Variants in SPATA17 observed in about 807,000 individuals in gnomAD.
The protein encoded by SPATA17 is spermatogenesis-associated protein 17.
A neutral mutation model predicts 62.2 loss-of-function variants in SPATA17; 53 were observed. That is an observed-to-expected ratio of 0.85 (90% CI 0.68 to 1.07). SPATA17 has a LOEUF of 1.07. SPATA17 is among the 50% of genes least tolerant of loss of function. The probability of loss-of-function intolerance (pLI) is 0.00; values close to 1 mark genes in which losing one functional copy is unlikely to be tolerated. For synonymous variants in SPATA17, 146 were observed against 146.8 expected (o/e 0.99, Z 0.04); for missense variants, 466 against 425.5 (o/e 1.10, Z -0.84).
At chr1:217,727,085 TA>T (rs1475768065) in intron 5 of SPATA17, among the ~76,000 whole-genome samples, 2 of 151,768 alleles carry the variant, frequency 1.3e-5, no homozygotes, top group African/African-American at 4.8e-5. Flanking sequence ...CCATCTCTAC[TA>T]AAAATACAAA....
chr1:217,812,458 G>A (rs1674614160), intron 9 of SPATA17, among the ~76,000 whole-genome samples: 1 of 152,096 alleles, frequency 6.6e-6, no homozygotes, highest in Admixed American at 6.6e-5. Context: ...TTTTGAAAGT[G>A]TGAAAATCAA....
intron 8 of SPATA17, among the ~76,000 whole-genome samples, chr1:217,794,183 T>G (rs1674077948): frequency 6.6e-6 from 1 of 151,992 alleles, no homozygotes; most frequent in Non-Finnish European, 1.5e-5. Flanking sequence ...ATTTGGCTAT[T>G]GGGGAGTCAT....
At chr1:217,819,912 A>C (rs1207408425) in intron 9 of SPATA17, among the ~76,000 whole-genome samples, 1 of 152,058 alleles carries the variant, frequency 6.6e-6, no homozygotes, top group Admixed American at 6.6e-5. Context: ...AATACTGAAC[A>C]CCTTCTATGA....
intron 1 of SPATA17, among the ~76,000 whole-genome samples, chr1:217,636,620 C>T (rs1457629765): frequency 1.3e-5 from 2 of 152,040 alleles, no homozygotes; most frequent in Non-Finnish European, 2.9e-5. Flanking sequence ...GACGAGTTTT[C>T]GCTATGTTGG....
intron 9 of SPATA17, among the ~76,000 whole-genome samples, chr1:217,851,525 A>C (rs746454816): frequency 6.6e-6 from 1 of 152,174 alleles, no homozygotes; most frequent in African/African-American, 2.4e-5. Context: ...AACTATTGAC[A>C]TTTTTATAGC....
At chr1:217,795,118 A>G (rs913868999) in intron 8 of SPATA17, among the ~76,000 whole-genome samples, 2 of 152,192 alleles carry the variant, frequency 1.3e-5, no homozygotes, top group Admixed American at 1.3e-4. Context: ...AATGTTAATG[A>G]GTTTCTTTCA....
chr1:217,727,835 C>T (rs769383732), intron 5 of SPATA17, among the ~76,000 whole-genome samples: 1 of 152,128 alleles, frequency 6.6e-6, no homozygotes, highest in Non-Finnish European at 1.5e-5. Flanking sequence ...TGAATAGTTT[C>T]GTATCCTTAG....
At position 217,755,965 on chromosome 1, in the gene SPATA17, C is replaced by T. The variant is rs186708805; in HGVS notation, c.519+13867C>T. On this transcript the variant is annotated intron_variant, in intron 6 of 10. Transcript: ENST00000366933. ...TCAAGGCAGAATTATTCCCTTTTCC[C>T]CCTTCTATGTCTTAATAAAGCACTT... Among the ~76,000 whole-genome samples the T allele has an allele frequency of 5.3e-5, 8 of 151,906 alleles. No homozygotes were observed. The East Asian group carries it at 1.4e-3, about 26-fold the overall frequency.
intron 6 of SPATA17, among the ~76,000 whole-genome samples, chr1:217,767,718 T>C (rs904103792): frequency 1.3e-5 from 2 of 152,326 alleles, no homozygotes; most frequent in South Asian, 2.1e-4. Flanking sequence ...TCCATCTCTC[T>C]GCTTACATTG....
At chr1:217,657,256 C>T (rs533481571) in intron 3 of SPATA17, among the ~76,000 whole-genome samples, 31 of 152,288 alleles carry the variant, frequency 2.0e-4, no homozygotes, top group African/African-American at 7.2e-4. Flanking sequence ...ATGCCAAATG[C>T]TGCATTGCTT....
intron 1 of SPATA17, among the ~76,000 whole-genome samples, chr1:217,639,576 A>T (rs934086514): frequency 1.2e-4 from 19 of 152,336 alleles, no homozygotes; most frequent in African/African-American, 3.8e-4. Flanking sequence ...GCATTATGTT[A>T]CTGTGATTTA....
intron 1 of SPATA17, among the ~76,000 whole-genome samples, chr1:217,639,634 T>G (rs187463054): frequency 6.6e-6 from 1 of 152,332 alleles, no homozygotes; most frequent in African/African-American, 2.4e-5. Flanking sequence ...TAAAACAAAT[T>G]AAGCTGGAAG....
intron 9 of SPATA17, among the ~76,000 whole-genome samples, chr1:217,855,352 C>T (rs965818720): frequency 6.6e-6 from 1 of 152,168 alleles, no homozygotes; most frequent in Non-Finnish European, 1.5e-5. Flanking sequence ...GATAAAACCA[C>T]TAACAGGCTA....
Position 217,807,719 on chromosome 1 carries a change from AAG to A in SPATA17, c.1005+5871_1005+5872del, listed in dbSNP as rs201854611. The stretch of plus-strand genomic sequence containing the variant: ...AAAAAACATGATATATAAAGGAAGA[AAG>A]AAAAAAATATTTTTTTATCTGATTT... On this transcript the variant is annotated intron_variant, in intron 9 of 10. Coordinates refer to ENST00000366933, the MANE Select transcript of SPATA17 (RefSeq NM_138796.4). Among the ~76,000 whole-genome samples, 853 of 152,240 alleles carry A rather than the reference AAG, an allele frequency of 5.6e-3. 3 individuals carry two copies. Among genetic ancestry groups the A allele is most frequent in the African/African-American group, 0.019 (790 of 41,506 alleles).
At chr1:217,722,917 A>G (rs1035491297) in intron 5 of SPATA17, among the ~76,000 whole-genome samples, 3 of 151,850 alleles carry the variant, frequency 2.0e-5, no homozygotes, top group African/African-American at 7.3e-5. Context: ...CTGGCCTCTG[A>G]GGTTACCAGT....
intron 9 of SPATA17, among the ~76,000 whole-genome samples, chr1:217,836,636 A>G (rs2103004596): frequency 6.6e-6 from 1 of 152,230 alleles, no homozygotes; most frequent in Admixed American, 6.6e-5. Context: ...CTAGTGGCCT[A>G]TGGCTTCTCT....
In SPATA17 at chr1:217,713,682, G is replaced by T. The variant is rs545312769; in HGVS notation, c.396-28293G>T. On this transcript the variant is annotated intron_variant, in intron 5 of 10. Coordinates refer to ENST00000366933, the MANE Select transcript of SPATA17 (RefSeq NM_138796.4). Reference sequence around the variant, plus strand: ...TTGATCCCTCACCTAAGAAATCGATGCTTGGATGCTGGCATTCTCTGTGTG... The same window carrying T: ...TTGATCCCTCACCTAAGAAATCGATTCTTGGATGCTGGCATTCTCTGTGTG... Among the ~76,000 whole-genome samples the T allele has an allele frequency of 7.2e-5, 11 of 152,256 alleles. 1 individual carries two copies. The highest frequency in any genetic ancestry group is 1.9e-4 in the African/African-American group (8 of 41,546).
intron 6 of SPATA17, among the ~76,000 whole-genome samples, chr1:217,761,234 C>G (rs1295763415): frequency 6.6e-6 from 1 of 152,176 alleles, no homozygotes. Context: ...CTTCTCTGGT[C>G]ATTTCTTCTC....
rs1443983233 is a variant in SPATA17 at position 217,867,322 on chromosome 1, C to T, written c.*303C>T. 4 of 152,178 alleles carry T rather than the reference C, an allele frequency of 2.6e-5. No homozygotes were observed. The South Asian group carries it at 6.2e-4, about 24-fold the overall frequency. 9.4% of individuals were successfully genotyped at this position (152,178 alleles called of 1,614,324 possible). A position where few individuals can be genotyped will look rare whatever the true frequency, so the allele number is the denominator to read the frequency against. On this transcript the variant is annotated 3_prime_UTR_variant, in exon 11 of 11. Coordinates refer to ENST00000366933, the MANE Select transcript of SPATA17 (RefSeq NM_138796.4). The stretch of plus-strand genomic sequence containing the variant: ...TGAAATACCCATATTCTGACCCCAT[C>T]ACCCGGGTCACAAATGATGACACCA...
Sources: allele counts gnomAD v4.1 joint callset (sites outside exome capture counted in the v4.1 genomes callset), GRCh38; gene constraint gnomAD v4.1.1; transcripts MANE v1.5; gene names NCBI Gene and HGNC (gene_info 2026-07-23, HGNC 2026-07-21).